The following UTP23 variants were observed in gnomAD, a reference collection of about 807,000 sequenced individuals.
UTP23 encodes the protein rRNA-processing protein UTP23 homolog.
In UTP23, 10 loss-of-function variants were observed where a neutral mutation model predicts 19.8. The observed-to-expected ratio is 0.50, with a 90% CI of 0.31 to 0.86. The LOEUF is 0.86. UTP23 is among the 40% of genes least tolerant of loss of function. The pLI is 0.05. For missense variants in UTP23, 282 were observed against 293.1 expected (o/e 0.96, Z 0.28); for synonymous variants, 108 against 105.4 (o/e 1.02, Z -0.15).
At position 116,773,812 on chromosome 8, in the gene UTP23, A is replaced by G; in HGVS notation, c.*1970A>G. On this transcript the variant is annotated 3_prime_UTR_variant, in exon 3 of 3. Coordinates refer to ENST00000309822, the MANE Select transcript of UTP23 (RefSeq NM_032334.3). ...TGAGAGAGTGAAACCCCGTCTCAAA[A>G]ATAAATAAATAAATAAGTTTACTAT... The G allele has an allele frequency of 2.9e-6, 2 of 696,918 alleles. No homozygotes were observed. The highest frequency in any genetic ancestry group is 3.5e-6 in the Non-Finnish European group (2 of 566,828). 43.2% of individuals were successfully genotyped at this position (696,918 alleles called of 1,614,324 possible). A position where few individuals can be genotyped will look rare whatever the true frequency, so the allele number is the denominator to read the frequency against.
chr8:116,771,874 G>A lies in UTP23; in HGVS notation c.*32G>A. ...TGGATACTTTCAAGGACATTCAAAT[G>A]TGAAAATGAATTTTTTACAACTAGA... On this transcript the variant is annotated 3_prime_UTR_variant, in exon 3 of 3. Transcript: ENST00000309822. 1 of 1,501,986 alleles carries A rather than the reference G, an allele frequency of 6.7e-7. No individual in the cohort carries two copies. Among genetic ancestry groups the A allele is most frequent in the South Asian group, 1.4e-5 (1 of 72,008 alleles). 93.0% of individuals were successfully genotyped at this position (1,501,986 alleles called of 1,614,324 possible).
rs1352558593 is a variant in UTP23, at chr8:116,766,728, G to C, written c.125G>C (p.Arg42Pro). ...TTCTGTCAGGCGGCGCTGCGGGGCC[G>C]CATCCAGCTGCGGGAGCAGCTGCCC... ...GTFCQAALRG[R>P]IQLREQLPRY... The change falls in exon 1 of 3, where the codon CGC becomes CCC. Residue 42 changes from arginine (R) to proline (P), a missense_variant. Transcript: ENST00000309822. 2.5e-6 allele frequency: 4 copies of C among 1,606,106 alleles called. No individual in the cohort carries two copies. Among genetic ancestry groups the C allele is most frequent in the Non-Finnish European group, 3.4e-6 (4 of 1,176,292 alleles).
Position 116,770,215 on chromosome 8 carries a change from C to T in UTP23, c.212C>T (p.Thr71Ile), listed in dbSNP as rs1815633289. The T allele has an allele frequency of 1.9e-6, 3 of 1,610,814 alleles. No homozygotes were observed. The highest frequency in any genetic ancestry group is 2.5e-6 in the Non-Finnish European group (3 of 1,177,746). ...AGATGTGTGTTAAAAGAGCTAGAAA[C>T]ATTGGGAAAGGACTTATATGGGGCA... Reference protein sequence around the residue: ...TTRCVLKELETLGKDLYGAKL... With the variant: ...TTRCVLKELEILGKDLYGAKL... The change falls in exon 2 of 3, where the codon ACA becomes ATA. Residue 71 changes from threonine to isoleucine, a missense_variant. Coordinates refer to ENST00000309822, the MANE Select transcript of UTP23 (RefSeq NM_032334.3).
chr8:116,773,004 C>T lies in UTP23; in HGVS notation c.*1162C>T. ...TATCATGATGACGTATGAGTAAATT[C>T]TTAATGGTTAAATGTGAGACAGTTC... On this transcript the variant is annotated 3_prime_UTR_variant, in exon 3 of 3. Transcript: ENST00000309822. 1 of 985,362 alleles carries T rather than the reference C, an allele frequency of 1.0e-6. No individual in the cohort carries two copies. Among genetic ancestry groups the T allele is most frequent in the Non-Finnish European group, 1.2e-6 (1 of 829,916 alleles). The allele number at this position is 985,362 out of a possible 1,614,324, so 61.0% of individuals were successfully genotyped here.
chr8:116,770,287 AGAATGCAGT>A lies in UTP23; in HGVS notation c.287_295del (p.Asn96_Val98del). 6.2e-7 allele frequency: 1 copy of A among 1,614,126 alleles called. No homozygotes were observed. The highest frequency in any genetic ancestry group is 8.5e-7 in the Non-Finnish European group (1 of 1,179,978). On this transcript the variant is annotated inframe_deletion, in exon 2 of 3. Transcript: ENST00000309822. ...CAAGTTCGAAATTGTCCTCATTTCA[AGAATGCAGT>A]GAGTGGATCAGAATGTCTGCTTTCC...
At chr8:116,770,145 C>A (rs768472105) in intron 1 of UTP23, 47 bp from the exon 2 acceptor site, 4 of 1,457,716 alleles carry the variant, frequency 2.7e-6, no homozygotes, top group Non-Finnish European at 3.7e-6. Context: ...GTTTTTTACA[C>A]CTTATGTAAA....
Position 116,772,337 on chromosome 8 carries a change from T to A in UTP23, c.*495T>A, listed in dbSNP as rs1815668542. ...ATATGCAAACAGTTTTAAAAAATCT[T>A]ACAGTTCTAAAAGGCTTGTGACAAA... On this transcript the variant is annotated 3_prime_UTR_variant, in exon 3 of 3. Coordinates refer to ENST00000309822, the MANE Select transcript of UTP23 (RefSeq NM_032334.3). 1.0e-6 allele frequency: 1 copy of A among 985,272 alleles called. No individual in the cohort carries two copies. The allele number at this position is 985,272 out of a possible 1,614,324, so 61.0% of individuals were successfully genotyped here.
chr8:116,771,146 C>T (rs1047057431), intron 2 of UTP23, among the ~76,000 whole-genome samples: 6 of 152,088 alleles, frequency 3.9e-5, no homozygotes, highest in African/African-American at 1.4e-4. Context: ...TGACCCTTTC[C>T]AAAGAATATC....
rs1815692854 is a variant in UTP23 at position 116,773,973 on chromosome 8, CA to C, written c.*2132del. 1.0e-6 allele frequency: 1 copy of C among 985,170 alleles called. No individual in the cohort carries two copies. The allele number at this position is 985,170 out of a possible 1,614,324, so 61.0% of individuals were successfully genotyped here. On this transcript the variant is annotated 3_prime_UTR_variant, in exon 3 of 3. Coordinates refer to ENST00000309822, the MANE Select transcript of UTP23 (RefSeq NM_032334.3). ...CCCTATACCACTACCCCTAAAACCTCAGAATTATTTGCTTTATTTTTTCATA... is the reference window on the plus strand; with the variant it reads ...CCCTATACCACTACCCCTAAAACCTCGAATTATTTGCTTTATTTTTTCATA...
Position 116,774,254 on chromosome 8 carries a change from C to T in UTP23, c.*2412C>T. ...TATGGGCACGATACTGTATTCTTTACATTTTTATGGCCCTACAGCTACTTC... is the reference window on the plus strand; with the variant it reads ...TATGGGCACGATACTGTATTCTTTATATTTTTATGGCCCTACAGCTACTTC... On this transcript the variant is annotated 3_prime_UTR_variant, in exon 3 of 3. Coordinates refer to ENST00000309822, the MANE Select transcript of UTP23 (RefSeq NM_032334.3). 3.0e-6 allele frequency: 3 copies of T among 985,364 alleles called. No individual in the cohort carries two copies. The highest frequency in any genetic ancestry group is 3.6e-6 in the Non-Finnish European group (3 of 829,908). The allele number at this position is 985,364 out of a possible 1,614,324, so 61.0% of individuals were successfully genotyped here. A position where few individuals can be genotyped will look rare whatever the true frequency, so the allele number is the denominator to read the frequency against.
chr8:116,772,287 G>C lies in UTP23; in HGVS notation c.*445G>C, dbSNP rs998499482. On this transcript the variant is annotated 3_prime_UTR_variant, in exon 3 of 3. Coordinates refer to ENST00000309822, the MANE Select transcript of UTP23 (RefSeq NM_032334.3). ...CTCCAGGTAAAATTGTCGCCTCTCT[G>C]GTCCCATTCCCACCTTCAAACATTA... The C allele has an allele frequency of 2.1e-5, 21 of 985,642 alleles. No individual in the cohort carries two copies. The highest frequency in any genetic ancestry group is 2.5e-5 in the Non-Finnish European group (21 of 830,208). 61.1% of individuals were successfully genotyped at this position (985,642 alleles called of 1,614,324 possible).
At chr8:116,771,306 A>G (rs866096384) in intron 2 of UTP23, 150 bp from the exon 3 acceptor site, 1 of 567,614 alleles carries the variant, frequency 1.8e-6, no homozygotes, top group South Asian at 6.4e-5. Flanking sequence ...ATCATGAAAT[A>G]TACCCCCATT....
intron 2 of UTP23, among the ~76,000 whole-genome samples, chr8:116,771,100 C>T (rs948336688): frequency 6.6e-6 from 1 of 152,154 alleles, no homozygotes; most frequent in Non-Finnish European, 1.5e-5. Context: ...CTAATTACTA[C>T]CCAGTTTCTT....
Position 116,772,340 on chromosome 8 carries a change from A to G in UTP23, c.*498A>G. The G allele has an allele frequency of 1.0e-6, 1 of 985,344 alleles. No homozygotes were observed. The allele number at this position is 985,344 out of a possible 1,614,324, so 61.0% of individuals were successfully genotyped here. A position where few individuals can be genotyped will look rare whatever the true frequency, so the allele number is the denominator to read the frequency against. On this transcript the variant is annotated 3_prime_UTR_variant, in exon 3 of 3. Transcript: ENST00000309822. Reference sequence around the variant, plus strand: ...TGCAAACAGTTTTAAAAAATCTTACAGTTCTAAAAGGCTTGTGACAAAAAA... The same window carrying G: ...TGCAAACAGTTTTAAAAAATCTTACGGTTCTAAAAGGCTTGTGACAAAAAA...
chr8:116,769,505 A>G (rs1815624457), intron 1 of UTP23, among the ~76,000 whole-genome samples: 1 of 152,220 alleles, frequency 6.6e-6, no homozygotes, highest in South Asian at 2.1e-4. Context: ...GATCTTAGAC[A>G]TGGTGAATTT....
rs1815633489 is a variant in UTP23, at chr8:116,770,226, G to A, written c.223G>A (p.Asp75Asn). 1.2e-6 allele frequency: 2 copies of A among 1,613,456 alleles called. No homozygotes were observed. Among genetic ancestry groups the A allele is most frequent in the Non-Finnish European group, 1.7e-6 (2 of 1,179,656 alleles). The change falls in exon 2 of 3, where the codon GAC (aspartate) becomes AAC (asparagine). Residue 75 changes from aspartate to asparagine, a missense_variant. Coordinates refer to ENST00000309822, the MANE Select transcript of UTP23 (RefSeq NM_032334.3). ...VLKELETLGKDLYGAKLIAQK... is the reference protein window; with the variant it reads ...VLKELETLGKNLYGAKLIAQK... ...AAAAGAGCTAGAAACATTGGGAAAG[G>A]ACTTATATGGGGCAAAACTGATTGC...
At chr8:116,767,046 C>G (rs1815592213) in intron 1 of UTP23, 1 of 405,634 alleles carries the variant, frequency 2.5e-6, no homozygotes, top group African/African-American at 2.1e-5. Context: ...GATCCGACTT[C>G]GAATCTTGAT....
chr8:116,772,744 C>A lies in UTP23; in HGVS notation c.*902C>A, dbSNP rs1815675836. The A allele has an allele frequency of 1.0e-6, 1 of 985,168 alleles. No individual in the cohort carries two copies. Among genetic ancestry groups the A allele is most frequent in the South Asian group, 4.7e-5 (1 of 21,290 alleles). The allele number at this position is 985,168 out of a possible 1,614,324, so 61.0% of individuals were successfully genotyped here. A position where few individuals can be genotyped will look rare whatever the true frequency, so the allele number is the denominator to read the frequency against. On this transcript the variant is annotated 3_prime_UTR_variant, in exon 3 of 3. Transcript: ENST00000309822. ...GACTGTGAATGTTATTGAAAAGTGT[C>A]TAAATTAGTCTGAGGATCAATGAGG...
chr8:116,771,955 C>A lies in UTP23; in HGVS notation c.*113C>A. On this transcript the variant is annotated 3_prime_UTR_variant, in exon 3 of 3. Transcript: ENST00000309822. ...TTGTAAATGAACCCATATGCTTTAG[C>A]TAAAATTAATTATAAAATAAAAACA... is the stretch of plus-strand genomic sequence containing the variant. 1 of 1,440,612 alleles carries A rather than the reference C, an allele frequency of 6.9e-7. No individual in the cohort carries two copies. Among genetic ancestry groups the A allele is most frequent in the African/African-American group, 1.5e-5 (1 of 68,768 alleles). 89.2% of individuals were successfully genotyped at this position (1,440,612 alleles called of 1,614,324 possible). A position where few individuals can be genotyped will look rare whatever the true frequency, so the allele number is the denominator to read the frequency against.
Sources: gnomAD v4.1 joint callset for allele counts (sites outside exome capture counted in the v4.1 genomes callset) on GRCh38, gnomAD v4.1.1 for gene constraint, MANE v1.5 for transcripts, NCBI Gene and HGNC (gene_info 2026-07-23, HGNC 2026-07-21) for gene names.